BICC1: variants seen among roughly 807,000 people sequenced by gnomAD.
The protein encoded by BICC1 is BicC family RNA binding protein 1.
BICC1 carries 43 observed loss-of-function variants against 111.0 expected under a neutral mutation model. That is an observed-to-expected ratio of 0.39 (90% CI 0.30 to 0.50). BICC1 has a LOEUF of 0.50. Among genes scored for constraint, BICC1 ranks in the 20% least tolerant of loss-of-function variants. The pLI, the probability that BICC1 is intolerant of heterozygous loss-of-function variation, is 0.88. For synonymous variants in BICC1, 467 were observed against 434.4 expected (o/e 1.07, Z -0.93); for missense variants, 1,091 against 1,203.2 (o/e 0.91, Z 1.38).
intron 1 of BICC1, among the ~76,000 whole-genome samples, chr10:58,568,406 A>C (rs1843836781): frequency 6.6e-6 from 1 of 152,150 alleles, no homozygotes; most frequent in South Asian, 2.1e-4. Flanking sequence ...TGAGATCACC[A>C]CACTCTAAAC....
At chr10:58,660,989 G>T (rs1838825133) in intron 2 of BICC1, among the ~76,000 whole-genome samples, 1 of 152,148 alleles carries the variant, frequency 6.6e-6, no homozygotes, top group South Asian at 2.1e-4. Context: ...CCCACAAGTG[G>T]AATAGAGAGG....
At chr10:58,770,040 A>G (rs911757377) in intron 3 of BICC1, among the ~76,000 whole-genome samples, 1 of 152,144 alleles carries the variant, frequency 6.6e-6, no homozygotes, top group Non-Finnish European at 1.5e-5. Context: ...ATAATTGCAA[A>G]ATAAAAATTT....
intron 1 of BICC1, among the ~76,000 whole-genome samples, chr10:58,614,942 T>C (rs10740736): frequency 0.99 from 151,038 of 152,234 alleles, 74,936 homozygotes; most frequent in East Asian, 1. Flanking sequence ...TTCCTCAATG[T>C]GACTAGATAT....
chr10:58,823,875 A>G, intron 20 of BICC1: 2 of 985,046 alleles, frequency 2.0e-6, no homozygotes, highest in Non-Finnish European at 2.4e-6. Flanking sequence ...TGATTTCTGA[A>G]TTTTGAAGTG....
chr10:58,723,007 CTT>C (rs1840988395), intron 3 of BICC1, among the ~76,000 whole-genome samples: 1 of 152,164 alleles, frequency 6.6e-6, no homozygotes, highest in Non-Finnish European at 1.5e-5. Context: ...TCCACTGACA[CTT>C]TGCTCATTTT....
chr10:58,536,074 G>A (rs74560719), intron 1 of BICC1, among the ~76,000 whole-genome samples: 4,735 of 151,426 alleles, frequency 0.031, 230 homozygotes, highest in African/African-American at 0.11. Context: ...TCCCAGATTC[G>A]TAAAGCAACT....
chr10:58,634,423 G>A (rs1243122029), intron 2 of BICC1, among the ~76,000 whole-genome samples: 4 of 152,116 alleles, frequency 2.6e-5, no homozygotes, highest in African/African-American at 4.8e-5. Context: ...CCAGGTACAG[G>A]TTTGTCTGAG....
chr10:58,687,830 A>G lies in BICC1; in HGVS notation c.238-14244A>G, dbSNP rs992122023. The stretch of plus-strand genomic sequence containing the variant: ...TCCTTTGTGCTTCCTGGGTGAGGCA[A>G]TGCCCCACTCTGGTCCGTGGGCTGC... On this transcript the variant is annotated intron_variant, in intron 2 of 20. Transcript: ENST00000373886. 5.3e-5 allele frequency among the ~76,000 whole-genome samples: 8 copies of G among 152,066 alleles called. No individual in the cohort carries two copies. In the East Asian group the frequency reaches 7.7e-4, roughly 15 times the overall value.
In BICC1 at chr10:58,809,246, G is replaced by A. The variant is rs181645244; in HGVS notation, c.2376+2088G>A. ...ACACAGGGTTTCACCATGTTGGCCA[G>A]GCTGGTCTCAAACTCCTGACCTCAA... On this transcript the variant is annotated intron_variant, in intron 17 of 20. Coordinates refer to ENST00000373886, the MANE Select transcript of BICC1 (RefSeq NM_001080512.3). Among the ~76,000 whole-genome samples, 113 of 152,002 alleles carry A rather than the reference G, an allele frequency of 7.4e-4. 2 individuals are homozygous for A. In the East Asian group the frequency reaches 7.5e-3, roughly 10 times the overall value.
chr10:58,531,410 A>G (rs1842679221), intron 1 of BICC1, among the ~76,000 whole-genome samples: 1 of 151,886 alleles, frequency 6.6e-6, no homozygotes, highest in African/African-American at 2.4e-5. Flanking sequence ...AGAGACCGCC[A>G]GAATCTCTAG....
chr10:58,753,950 G>T (rs540587663), intron 3 of BICC1, among the ~76,000 whole-genome samples: 5 of 151,614 alleles, frequency 3.3e-5, no homozygotes, highest in African/African-American at 1.2e-4. Flanking sequence ...TGATATCTCT[G>T]CATACTCACC....
intron 1 of BICC1, among the ~76,000 whole-genome samples, chr10:58,602,716 C>T (rs910641156): frequency 6.6e-6 from 1 of 152,144 alleles, no homozygotes; most frequent in Non-Finnish European, 1.5e-5. Context: ...ATAAGAACTT[C>T]CCTAACTCCC....
In BICC1 at chr10:58,765,956, C is replaced by T. The variant is rs141769672; in HGVS notation, c.308-19045C>T. ...CCAAATACTCTCTCTTTTCCAGGCA[C>T]ACAATAAAGTTAGTCCACAAGGGCA... is the stretch of plus-strand genomic sequence containing the variant. On this transcript the variant is annotated intron_variant, in intron 3 of 20. Transcript: ENST00000373886. Among the ~76,000 whole-genome samples the T allele has an allele frequency of 4.7e-3, 717 of 152,326 alleles. 7 individuals are homozygous for T. The highest frequency in any genetic ancestry group is 7.5e-3 in the Non-Finnish European group (508 of 68,030).
intron 6 of BICC1, among the ~76,000 whole-genome samples, chr10:58,788,770 C>G (rs976863324): frequency 3.9e-5 from 6 of 152,244 alleles, no homozygotes; most frequent in African/African-American, 1.4e-4. Flanking sequence ...TCTCAGGTTT[C>G]ACAAAAGGCT....
At chr10:58,779,518 G>A (rs1158722661) in intron 3 of BICC1, among the ~76,000 whole-genome samples, 1 of 152,170 alleles carries the variant, frequency 6.6e-6, no homozygotes, top group South Asian at 2.1e-4. Flanking sequence ...ATCAAAAATT[G>A]TAAAATAAAG....
intron 3 of BICC1, among the ~76,000 whole-genome samples, chr10:58,734,522 G>A (rs1049884738): frequency 4.6e-5 from 7 of 152,190 alleles, no homozygotes; most frequent in Non-Finnish European, 8.8e-5. Context: ...ATGATGTGGG[G>A]AATCTTGAAC....
chr10:58,757,076 C>T (rs940899974), intron 3 of BICC1, among the ~76,000 whole-genome samples: 4 of 152,062 alleles, frequency 2.6e-5, no homozygotes, highest in Admixed American at 2.6e-4. Context: ...GAGAAGTAAC[C>T]GTATGTAATT....
chr10:58,736,315 C>A (rs948863415), intron 3 of BICC1, among the ~76,000 whole-genome samples: 1 of 152,158 alleles, frequency 6.6e-6, no homozygotes, highest in Admixed American at 6.5e-5. Flanking sequence ...CAACAAATAG[C>A]TGATGACTCA....
intron 2 of BICC1, among the ~76,000 whole-genome samples, chr10:58,680,892 T>A (rs909953735): frequency 1.3e-5 from 2 of 152,204 alleles, no homozygotes; most frequent in African/African-American, 4.8e-5. Context: ...ATCTGATCTT[T>A]GACAAACCTG....
Sources: gnomAD v4.1 joint callset for allele counts (sites outside exome capture counted in the v4.1 genomes callset) on GRCh38, gnomAD v4.1.1 for gene constraint, MANE v1.5 for transcripts, NCBI Gene and HGNC (gene_info 2026-07-23, HGNC 2026-07-21) for gene names.